CPAMD8: variants seen among roughly 807,000 people sequenced by gnomAD.
The protein encoded by CPAMD8 is C3 and PZP like alpha-2-macroglobulin domain containing 8.
Under a neutral mutation model 224.7 loss-of-function variants are expected in CPAMD8, and 146 were observed. The observed-to-expected ratio is 0.65, with a 90% CI of 0.57 to 0.75. The LOEUF (loss-of-function observed/expected upper bound fraction) is 0.75, where lower values mean the gene tolerates loss of function less well. Ranked by LOEUF, CPAMD8 falls within the 30% of genes least tolerant of loss-of-function variation. CPAMD8 has a pLI of 0.00. For missense variants in CPAMD8, 2,301 were observed against 2,537.5 expected, an observed-to-expected ratio of 0.91 and a Z score of 2.00; for synonymous variants, 966 against 1,044.6, an observed-to-expected ratio of 0.92 and a Z score of 1.45.
intron 29 of CPAMD8, among the ~76,000 whole-genome samples, chr19:16,913,035 G>T (rs1241229160): frequency 2.0e-5 from 3 of 152,198 alleles, no homozygotes; most frequent in Non-Finnish European, 2.9e-5. Context: ...TTGCAGACAT[G>T]CAACGTCTCA....
chr19:16,956,546 C>T (rs937026278), intron 19 of CPAMD8, among the ~76,000 whole-genome samples: 13 of 152,112 alleles, frequency 8.5e-5, no homozygotes, highest in Admixed American at 1.3e-4. Context: ...CAAAAACATC[C>T]GGGCCAGGAG....
chr19:16,919,888 G>A (rs190400842), intron 27 of CPAMD8, among the ~76,000 whole-genome samples: 1 of 152,332 alleles, frequency 6.6e-6, no homozygotes, highest in Admixed American at 6.5e-5. Context: ...GTGCTAACAG[G>A]ACGGCACTGC....
intron 16 of CPAMD8, among the ~76,000 whole-genome samples, 170 bp from the exon 17 acceptor site, chr19:16,975,428 C>T (rs1489968604): frequency 1.3e-5 from 2 of 152,160 alleles, no homozygotes; most frequent in Admixed American, 1.3e-4. Flanking sequence ...AAACAGGAGC[C>T]AGGCACAGTG....
At chr19:16,996,333 G>C (rs2056122047) in intron 11 of CPAMD8, among the ~76,000 whole-genome samples, 1 of 150,468 alleles carries the variant, frequency 6.6e-6, no homozygotes, top group Admixed American at 6.6e-5. Context: ...ACAAAACCCT[G>C]TCTCTAAGAA....
At chr19:16,950,321 T>TA (rs982641555) in intron 20 of CPAMD8, among the ~76,000 whole-genome samples, 3 of 151,576 alleles carry the variant, frequency 2.0e-5, no homozygotes, top group Non-Finnish European at 4.4e-5. Flanking sequence ...AATAAATAAA[T>TA]AATAATGCAG....
Position 16,952,031 on chromosome 19 carries a change from T to C in CPAMD8, c.2446A>G (p.Ile816Val), listed in dbSNP as rs1430189022. ...GGGATCTTGACCTGCTCCCCACGGA[T>C]GATGAGAGCGGGGAGCATGAAGTCC... Reference protein sequence around the residue: ...FVDFMLPALIIRGEQVKIPLS... With the variant: ...FVDFMLPALIVRGEQVKIPLS... The change falls in exon 20 of 42, where the codon ATC becomes GTC. Residue 816 changes from isoleucine to valine, a missense_variant. By Grantham distance (29) the Ile-to-Val change is conservative. This residue lies in a region of CPAMD8 where 1,709 missense variants were observed against 1,753.2 expected (regional missense o/e 0.97). Transcript: ENST00000443236. 1.3e-6 allele frequency: 2 copies of C among 1,585,090 alleles called. No individual in the cohort carries two copies. Among genetic ancestry groups the C allele is most frequent in the Admixed American group, 3.6e-5 (2 of 56,066 alleles).
chr19:16,915,579 T>C (rs2052920299), intron 27 of CPAMD8, among the ~76,000 whole-genome samples: 1 of 152,176 alleles, frequency 6.6e-6, no homozygotes, highest in Admixed American at 6.5e-5. Context: ...TCCCTTGCCC[T>C]GCTTTTGCAG....
chr19:16,935,649 T>C (rs73525462), intron 23 of CPAMD8, among the ~76,000 whole-genome samples: 3,309 of 152,298 alleles, frequency 0.022, 123 homozygotes, highest in African/African-American at 0.076. Context: ...ATTCACCTGC[T>C]GAAGGACATC....
rs2053431337 is a variant in CPAMD8 at position 16,928,134 on chromosome 19, C to T, written c.3245G>A (p.Gly1082Asp). ...VQFIGFSTGW[G>D]SMGEFRIWRK... ...CCAGATTCGGAATTCACCCATGGAG[C>T]CCCAGCCGGTGGAAAAGCCAATGAA... The change falls in exon 25 of 42, where the codon GGC becomes GAC. Residue 1082 changes from glycine to aspartate, a missense_variant. This residue lies in a region of CPAMD8 where 1,709 missense variants were observed against 1,753.2 expected (regional missense o/e 0.97). Coordinates refer to ENST00000443236, the MANE Select transcript of CPAMD8 (RefSeq NM_015692.5). 1 of 1,614,014 alleles carries T rather than the reference C, an allele frequency of 6.2e-7. No individual in the cohort carries two copies. The highest frequency in any genetic ancestry group is 8.5e-7 in the Non-Finnish European group (1 of 1,180,036).
chr19:16,928,020 G>T lies in CPAMD8; in HGVS notation c.3359C>A (p.Ala1120Asp). The T allele has an allele frequency of 6.2e-7, 1 of 1,611,676 alleles. No individual in the cohort carries two copies. The highest frequency in any genetic ancestry group is 8.5e-7 in the Non-Finnish European group (1 of 1,177,864). The change falls in exon 25 of 42, where the codon GCC (alanine) becomes GAC (aspartate). Residue 1120 changes from alanine to aspartate, a missense_variant. By Grantham distance (126) the Ala-to-Asp change is moderately radical. Coordinates refer to ENST00000443236, the MANE Select transcript of CPAMD8 (RefSeq NM_015692.5). ...GAIPGSERAT[A>D]SIIGDVMGPT... Reference sequence around the variant, plus strand: ...TGGGACAGACGCACCGATGATGGAGGCGGTGGCTCGCTCAGACCCAGGGAT... The same window carrying T: ...TGGGACAGACGCACCGATGATGGAGTCGGTGGCTCGCTCAGACCCAGGGAT...
In CPAMD8 at chr19:16,980,535, A is replaced by G. The variant is rs553918525; in HGVS notation, c.1547T>C (p.Leu516Pro). Residue 516 changes from leucine to proline, a missense_variant, in exon 14 of 42, where the codon CTG (leucine) becomes CCG (proline). Leu to Pro is a moderately conservative substitution (Grantham distance 98). Around this residue, in one of 4 missense-constraint regions of CPAMD8, gnomAD observed 301 missense variants for 406.6 expected, o/e 0.74. Transcript: ENST00000443236. ...QQRSKRAAPA[L>P]EKPIRLTHLS... ...GTGTGTTAAACGAATCGGTTTCTCC[A>G]GGGCAGGGGCCGCCCGCTTGCTTCG... 1 of 1,613,988 alleles carries G rather than the reference A, an allele frequency of 6.2e-7. No homozygotes were observed. The highest frequency in any genetic ancestry group is 1.3e-5 in the African/African-American group (1 of 75,052).
chr19:16,999,223 A>G (rs1314807103), intron 10 of CPAMD8, among the ~76,000 whole-genome samples: 1 of 152,152 alleles, frequency 6.6e-6, no homozygotes, highest in East Asian at 1.9e-4. Context: ...GTATGGAAGG[A>G]TGGTGGAACA....
intron 17 of CPAMD8, among the ~76,000 whole-genome samples, chr19:16,971,407 G>A (rs1161617875): frequency 2.0e-5 from 3 of 152,258 alleles, no homozygotes; most frequent in African/African-American, 4.8e-5. Flanking sequence ...TGGGGAGAAC[G>A]TGGGACCCAG....
intron 20 of CPAMD8, among the ~76,000 whole-genome samples, chr19:16,951,006 G>T (rs1315236234): frequency 6.6e-6 from 1 of 151,930 alleles, no homozygotes; most frequent in Non-Finnish European, 1.5e-5. Flanking sequence ...CTTTCCTGCC[G>T]CCTCCAAGAG....
chr19:16,932,726 T>G (rs1454796964), intron 23 of CPAMD8, among the ~76,000 whole-genome samples: 1 of 151,972 alleles, frequency 6.6e-6, no homozygotes, highest in Admixed American at 6.6e-5. Context: ...TACTCAAAAT[T>G]TTGGTGTCCC....
At chr19:17,018,719 C>CACACACACACCCATCTCTACTAAAAAT (rs1568609744) in intron 3 of CPAMD8, among the ~76,000 whole-genome samples, 2 of 37,358 alleles carry the variant, frequency 5.4e-5, no homozygotes, top group Non-Finnish European at 1.8e-4. Flanking sequence ...ACTAAAAATA[C>CACACACACACCCATCTCTACTAAAAAT]ACACACACAC....
chr19:16,970,786 C>G, intron 18 of CPAMD8, 105 bp downstream of exon 18: 1 of 1,079,070 alleles, frequency 9.3e-7, no homozygotes, highest in Non-Finnish European at 1.3e-6. Context: ...TTATAAGCCA[C>G]TCGGTCTATG....
chr19:16,957,517 G>A (rs771910263), intron 19 of CPAMD8: 8 of 236,470 alleles, frequency 3.4e-5, no homozygotes, highest in Non-Finnish European at 5.7e-5. Context: ...TGAGGAGCAA[G>A]GAGTGGGGGT....
At chr19:16,947,350 T>C (rs2054139929) in intron 20 of CPAMD8, 123 bp from the exon 21 acceptor site, 4 of 1,232,752 alleles carry the variant, frequency 3.2e-6, no homozygotes, top group Non-Finnish European at 4.5e-6. Flanking sequence ...CAAAGAGCCA[T>C]GCTCCCCCCG....
Sources: allele counts gnomAD v4.1 joint callset (sites outside exome capture counted in the v4.1 genomes callset), GRCh38; gene constraint gnomAD v4.1.1; regional missense constraint gnomAD v4.1.1; transcripts MANE v1.5; gene names NCBI Gene and HGNC (gene_info 2026-07-23, HGNC 2026-07-21).